The following FSTL5 variants were observed in gnomAD, a reference collection of about 807,000 sequenced individuals.
FSTL5 encodes follistatin like 5.
Under a neutral mutation model 89.1 loss-of-function variants are expected in FSTL5, and 62 were observed. The ratio of observed to expected loss-of-function variants is 0.70; its 90% CI spans 0.57 to 0.86. FSTL5 has a LOEUF of 0.86. Among genes scored for constraint, FSTL5 ranks in the 40% least tolerant of loss-of-function variants. FSTL5 has a pLI of 0.00. For synonymous variants in FSTL5, 383 were observed against 346.2 expected, an observed-to-expected ratio of 1.11 and a Z score of -1.18; for missense variants, 1,057 against 1,001.6, an observed-to-expected ratio of 1.06 and a Z score of -0.75.
At chr4:161,569,521 A>G (rs982439796) in intron 8 of FSTL5, among the ~76,000 whole-genome samples, 6 of 152,114 alleles carry the variant, frequency 3.9e-5, no homozygotes, top group African/African-American at 1.4e-4. Flanking sequence ...CAGCAATTAC[A>G]TTTCTGTTCC....
intron 6 of FSTL5, among the ~76,000 whole-genome samples, chr4:161,690,328 A>G (rs910404927): frequency 1.3e-5 from 2 of 152,104 alleles, no homozygotes; most frequent in African/African-American, 2.4e-5. Flanking sequence ...ATTTTTATTG[A>G]GGTAAAATAT....
chr4:161,624,284 G>A (rs1370053891), intron 7 of FSTL5, among the ~76,000 whole-genome samples: 2 of 151,812 alleles, frequency 1.3e-5, no homozygotes, highest in African/African-American at 4.8e-5. Flanking sequence ...AAACCTAAAT[G>A]ACTTCTGATT....
At chr4:161,615,249 G>C (rs1356458267) in intron 7 of FSTL5, among the ~76,000 whole-genome samples, 1 of 137,816 alleles carries the variant, frequency 7.3e-6, no homozygotes, top group Non-Finnish European at 1.5e-5. Flanking sequence ...AGCAGAGATT[G>C]CACCACTGCA....
chr4:161,693,014 G>A (rs1193966469), intron 6 of FSTL5, among the ~76,000 whole-genome samples: 1 of 152,044 alleles, frequency 6.6e-6, no homozygotes, highest in East Asian at 1.9e-4. Context: ...GAGCCACTAC[G>A]CCCAGCCACT....
intron 2 of FSTL5, chr4:162,047,554 G>C: frequency 6.6e-6 from 1 of 152,200 alleles, no homozygotes; most frequent in East Asian, 1.9e-4. Context: ...GTTCCGCGAG[G>C]TGCGGTGGCT....
intron 12 of FSTL5, among the ~76,000 whole-genome samples, chr4:161,488,444 C>G (rs1729752134): frequency 1.3e-5 from 2 of 151,930 alleles, no homozygotes; most frequent in Admixed American, 1.3e-4. Flanking sequence ...ACAATAAAAA[C>G]AAAGCTTATG....
chr4:161,750,849 C>T (rs935486561), intron 6 of FSTL5, among the ~76,000 whole-genome samples: 1 of 152,016 alleles, frequency 6.6e-6, no homozygotes, highest in East Asian at 1.9e-4. Flanking sequence ...CTATGACTGA[C>T]AATATATGGT....
intron 15 of FSTL5, among the ~76,000 whole-genome samples, chr4:161,430,731 C>T (rs1732332451): frequency 1.3e-5 from 2 of 152,176 alleles, no homozygotes; most frequent in Non-Finnish European, 2.9e-5. Context: ...CAGAGCGCGA[C>T]TCCGTCAGAA....
intron 3 of FSTL5, among the ~76,000 whole-genome samples, chr4:161,992,831 G>C (rs367640478): frequency 8.7e-6 from 1 of 114,702 alleles, no homozygotes; most frequent in South Asian, 3.0e-4. Context: ...TGGGCAACAA[G>C]AGTGAAACTC....
intron 10 of FSTL5, among the ~76,000 whole-genome samples, chr4:161,527,498 A>C (rs1406814559): frequency 1.3e-5 from 2 of 152,182 alleles, no homozygotes; most frequent in African/African-American, 4.8e-5. Flanking sequence ...ATGAACAGAC[A>C]CTTCTCAAAA....
intron 1 of FSTL5, among the ~76,000 whole-genome samples, chr4:162,139,737 C>T (rs997755056): frequency 1.3e-5 from 2 of 152,064 alleles, no homozygotes; most frequent in African/African-American, 2.4e-5. Context: ...AGCAAAATTT[C>T]CTTATAATGT....
chr4:161,532,646 G>T (rs1355358360), intron 10 of FSTL5, among the ~76,000 whole-genome samples: 1 of 152,002 alleles, frequency 6.6e-6, no homozygotes, highest in East Asian at 1.9e-4. Flanking sequence ...ACAGTGGGGG[G>T]ACTTCAACAC....
chr4:162,117,790 G>A (rs1731700120), intron 1 of FSTL5, among the ~76,000 whole-genome samples: 2 of 152,148 alleles, frequency 1.3e-5, no homozygotes, highest in South Asian at 4.2e-4. Flanking sequence ...AATCATTTCT[G>A]TAAATTAAAG....
chr4:162,069,434 T>C (rs1729503173), intron 2 of FSTL5, among the ~76,000 whole-genome samples: 1 of 151,974 alleles, frequency 6.6e-6, no homozygotes. Context: ...AAATATACAA[T>C]AAATTATTGT....
At chr4:161,490,972 A>G (rs1168650054) in intron 12 of FSTL5, among the ~76,000 whole-genome samples, 1 of 152,050 alleles carries the variant, frequency 6.6e-6, no homozygotes, top group Non-Finnish European at 1.5e-5. Flanking sequence ...AGTGTTACTT[A>G]AAGACTTTAG....
intron 11 of FSTL5, 109 bp downstream of exon 11, chr4:161,510,289 T>C: frequency 1.4e-6 from 1 of 722,854 alleles, no homozygotes; most frequent in South Asian, 1.8e-5. Context: ...TCAATTAAAA[T>C]ATTGAATCAA....
intron 6 of FSTL5, among the ~76,000 whole-genome samples, chr4:161,709,962 A>T (rs926214317): frequency 2.0e-5 from 3 of 151,962 alleles, no homozygotes; most frequent in Non-Finnish European, 4.4e-5. Context: ...AAAAACTTAC[A>T]TTTTTCTGGT....
chr4:161,761,243 T>C (rs1740788450), intron 5 of FSTL5, among the ~76,000 whole-genome samples: 1 of 152,198 alleles, frequency 6.6e-6, no homozygotes, highest in South Asian at 2.1e-4. Flanking sequence ...AAGCCATCTC[T>C]TCTATAAGCC....
At chr4:161,692,268 C>A (rs1737968083) in intron 6 of FSTL5, among the ~76,000 whole-genome samples, 1 of 151,392 alleles carries the variant, frequency 6.6e-6, no homozygotes, top group South Asian at 2.1e-4. Context: ...TTTTATTTTG[C>A]TGGGTATTTT....
Sources: allele counts gnomAD v4.1 joint callset (sites outside exome capture counted in the v4.1 genomes callset), GRCh38; gene constraint gnomAD v4.1.1; transcripts MANE v1.5; gene names NCBI Gene and HGNC (gene_info 2026-07-23, HGNC 2026-07-21).